ARL9: variants seen among roughly 807,000 people sequenced by gnomAD.
ARL9 encodes the protein ADP-ribosylation factor-like protein 9.
In ARL9, 14 loss-of-function variants were observed where a neutral mutation model predicts 27.0. The observed-to-expected ratio is 0.52, with a 90% CI of 0.34 to 0.81. The LOEUF (loss-of-function observed/expected upper bound fraction) is 0.81. Ranked by LOEUF, ARL9 falls within the 30% of genes least tolerant of loss-of-function variation. The pLI, the probability that ARL9 is intolerant of heterozygous loss-of-function variation, is 0.01. For synonymous variants in ARL9, 106 were observed against 108.7 expected (o/e 0.98, Z 0.15); for missense variants, 294 against 290.0 (o/e 1.01, Z -0.10).
chr4:56,506,106 G>A lies in ARL9; in HGVS notation c.244G>A (p.Asp82Asn), dbSNP rs1401908690. 51 of 1,233,910 alleles carry A rather than the reference G, an allele frequency of 4.1e-5. No homozygotes were observed. In the East Asian group the frequency reaches 1.3e-3, roughly 31 times the overall value. 76.4% of individuals were successfully genotyped at this position (1,233,910 alleles called of 1,614,324 possible). The change falls in exon 1 of 4, where the codon GAC becomes AAC. Residue 82 changes from aspartate (D) to asparagine (N), a missense_variant. Transcript: ENST00000640821. ...KGQEEKGENKDSTLTRTPLEP... is the reference protein window; with the variant it reads ...KGQEEKGENKNSTLTRTPLEP... ...ACAAGAAGAGAAAGGGGAGAACAAG[G>A]ACAGCACCTTGACAAGGACCCCGCT... is the stretch of plus-strand genomic sequence containing the variant.
intron 1 of ARL9, among the ~76,000 whole-genome samples, 171 bp downstream of exon 1, chr4:56,506,312 A>G (rs1201601912): frequency 6.6e-6 from 1 of 152,120 alleles, no homozygotes; most frequent in Non-Finnish European, 1.5e-5. Context: ...TGAACGACCC[A>G]TCCCCTTTTC....
intron 1 of ARL9, among the ~76,000 whole-genome samples, chr4:56,509,301 G>C (rs1185649038): frequency 6.7e-6 from 1 of 149,178 alleles, no homozygotes; most frequent in African/African-American, 2.5e-5. Context: ...CCGGGTTCAA[G>C]CAATTCTCAT....
chr4:56,509,731 GGAGCC>G (rs1721582013), intron 1 of ARL9, among the ~76,000 whole-genome samples: 3 of 122,378 alleles, frequency 2.5e-5, no homozygotes, highest in Non-Finnish European at 4.8e-5. Context: ...TTTTTAAGAT[GGAGCC>G]TTGCTCTGTC....
At chr4:56,505,603 G>T, upstream of ARL9, 1 of 603,272 alleles carries the variant, frequency 1.7e-6, no homozygotes, top group Non-Finnish European at 3.0e-6. Context: ...CGCTTGGCTG[G>T]GCTCAATCCA....
chr4:56,506,566 G>A, intron 1 of ARL9: 1 of 954,860 alleles, frequency 1.0e-6, no homozygotes. Flanking sequence ...TTGTCAGAAG[G>A]GGCAGGGTTC....
At chr4:56,516,717 G>A (rs1028987964) in intron 2 of ARL9, among the ~76,000 whole-genome samples, 40 of 152,226 alleles carry the variant, frequency 2.6e-4, no homozygotes, top group African/African-American at 9.6e-4. Context: ...GATCACTGGA[G>A]TTCAAGGGTT....
At chr4:56,510,274 G>C (rs1721598618) in intron 1 of ARL9, among the ~76,000 whole-genome samples, 1 of 149,968 alleles carries the variant, frequency 6.7e-6, no homozygotes, top group South Asian at 2.1e-4. Flanking sequence ...AGAATCGCTT[G>C]AACCCAGGAG....
Position 56,520,954 on chromosome 4 carries a change from G to A in ARL9, c.618+2101G>A, listed in dbSNP as rs113966370. 4.6e-3 allele frequency among the ~76,000 whole-genome samples: 700 copies of A among 152,306 alleles called. 5 individuals are homozygous for A. The highest frequency in any genetic ancestry group is 0.016 in the African/African-American group (665 of 41,564). ...GGGCCGGGCGTGGTGGCTCATGCCT[G>A]TAATCCCAGCACTTTGGGAGGCCGA... On this transcript the variant is annotated intron_variant, in intron 3 of 3. Transcript: ENST00000640821.
chr4:56,511,770 C>T (rs1721641684), intron 2 of ARL9, among the ~76,000 whole-genome samples: 1 of 152,138 alleles, frequency 6.6e-6, no homozygotes. Context: ...TCTGGAGTCA[C>T]CACCTCTAAA....
In ARL9 at chr4:56,524,100, AAC is replaced by A; in HGVS notation, c.*228_*229del. On this transcript the variant is annotated 3_prime_UTR_variant, in exon 4 of 4. Coordinates refer to ENST00000640821, the MANE Select transcript of ARL9 (RefSeq NM_001363794.2). The stretch of plus-strand genomic sequence containing the variant: ...AAAAGTAAACCCACTGAAGAATAAT[AAC>A]ACAACAATAAAAATAATACACATTT... 1 of 445,542 alleles carries A rather than the reference AAC, an allele frequency of 2.2e-6. No homozygotes were observed. Among genetic ancestry groups the A allele is most frequent in the Non-Finnish European group, 4.0e-6 (1 of 253,018 alleles). 27.6% of individuals were successfully genotyped at this position (445,542 alleles called of 1,614,324 possible).
chr4:56,505,680 C>T (rs1179182129), upstream of ARL9: 3 of 1,022,468 alleles, frequency 2.9e-6, no homozygotes. Flanking sequence ...TGCAAGAAGC[C>T]CTGCATCCGC....
intron 1 of ARL9, chr4:56,506,560 C>CA: frequency 1.1e-6 from 1 of 947,040 alleles, no homozygotes; most frequent in Non-Finnish European, 1.3e-6. Context: ...CGTTCTTTGT[C>CA]AGAAGGGGCA....
intron 3 of ARL9, among the ~76,000 whole-genome samples, chr4:56,520,356 G>A (rs1427129608): frequency 2.6e-5 from 4 of 152,132 alleles, no homozygotes; most frequent in Admixed American, 2.6e-4. Context: ...CACATGTTCT[G>A]ACATGGATGA....
rs909049292 is a variant in ARL9 at position 56,523,741 on chromosome 4, G to C, written c.663G>C (p.Leu221Phe). 3.7e-6 allele frequency: 6 copies of C among 1,613,736 alleles called. No individual in the cohort carries two copies. The African/African-American group carries it at 4.0e-5, about 11-fold the overall frequency. The change falls in exon 4 of 4, where the codon TTG becomes TTC. Residue 221 changes from leucine to phenylalanine, a missense_variant. Physicochemically the swap from Leu to Phe is conservative, Grantham distance 22. Coordinates refer to ENST00000640821, the MANE Select transcript of ARL9 (RefSeq NM_001363794.2). ...AYHITDIHEA[L>F]ALSEVGNDRK... is the part of the protein sequence containing the mutation. ...ACATTACAGATATCCATGAAGCTTTGGCATTATCTGAAGTGGGAAATGACA... is the reference window on the plus strand; with the variant it reads ...ACATTACAGATATCCATGAAGCTTTCGCATTATCTGAAGTGGGAAATGACA...
At chr4:56,510,488 A>G (rs971257483) in intron 1 of ARL9, among the ~76,000 whole-genome samples, 1 of 152,184 alleles carries the variant, frequency 6.6e-6, no homozygotes, top group Non-Finnish European at 1.5e-5. Context: ...CAGTCAATAC[A>G]TGCACCACGG....
Position 56,505,817 on chromosome 4 carries a change from A to T in ARL9, c.-46A>T. On this transcript the variant is annotated 5_prime_UTR_variant, in exon 1 of 4. Coordinates refer to ENST00000640821, the MANE Select transcript of ARL9 (RefSeq NM_001363794.2). ...CACCTGGGGCCCAGAGCCACCGCTC[A>T]GCACGCGGGCACGCGGCGGGAGGGA... 3.1e-6 allele frequency: 4 copies of T among 1,292,956 alleles called. No individual in the cohort carries two copies. The highest frequency in any genetic ancestry group is 2.9e-6 in the Non-Finnish European group (3 of 1,022,962). The allele number at this position is 1,292,956 out of a possible 1,614,324, so 80.1% of individuals were successfully genotyped here.
At chr4:56,523,643 A>G (rs1721994299) in intron 3 of ARL9, 54 bp from the exon 4 acceptor site, 2 of 1,450,246 alleles carry the variant, frequency 1.4e-6, no homozygotes, top group African/African-American at 1.4e-5. Flanking sequence ...TGTTTATCTG[A>G]AAGGATTGCA....
Position 56,523,838 on chromosome 4 carries a change from A to G in ARL9, c.760A>G (p.Lys254Glu), listed in dbSNP as rs1323807725. The change falls in exon 4 of 4, where the codon AAA becomes GAA. Residue 254 changes from lysine (K) to glutamate (E), a missense_variant. Transcript: ENST00000640821. ...SEIPSTMQDAKDLIAQLAADV... is the reference protein window; with the variant it reads ...SEIPSTMQDAEDLIAQLAADV... ...GATACCCTCCACCATGCAAGATGCC[A>G]AAGACTTGATTGCACAGCTGGCTGC... 1 of 1,614,038 alleles carries G rather than the reference A, an allele frequency of 6.2e-7. No homozygotes were observed. The highest frequency in any genetic ancestry group is 8.5e-7 in the Non-Finnish European group (1 of 1,179,900).
intron 1 of ARL9, chr4:56,506,631 A>C (rs1721470320): frequency 1.9e-5 from 19 of 985,264 alleles, no homozygotes; most frequent in Non-Finnish European, 2.3e-5. Flanking sequence ...CACCAGTACC[A>C]TGAATGGATG....
Sources: allele counts gnomAD v4.1 joint callset (sites outside exome capture counted in the v4.1 genomes callset), GRCh38; gene constraint gnomAD v4.1.1; transcripts MANE v1.5; gene names NCBI Gene and HGNC (gene_info 2026-07-23, HGNC 2026-07-21).